CSMD1: variants seen among roughly 807,000 people sequenced by gnomAD.
CSMD1 encodes the protein CUB and sushi domain-containing protein 1.
CSMD1 carries 213 observed loss-of-function variants against 417.5 expected under a neutral mutation model. The ratio of observed to expected loss-of-function variants is 0.51; its 90% CI spans 0.46 to 0.57. The LOEUF (loss-of-function observed/expected upper bound fraction) is 0.57, where lower values mean the gene tolerates loss of function less well. Ranked by LOEUF, CSMD1 falls within the 20% of genes least tolerant of loss-of-function variation. The pLI is 0.00. For synonymous variants in CSMD1, 2,862 were observed against 1,736.8 expected, an observed-to-expected ratio of 1.65 and a Z score of -16.11; for missense variants, 6,923 against 4,529.7, an observed-to-expected ratio of 1.53 and a Z score of -15.17.
At chr8:4,435,099 T>G (rs1269580354) in intron 2 of CSMD1, among the ~76,000 whole-genome samples, 1 of 152,188 alleles carries the variant, frequency 6.6e-6, no homozygotes, top group Non-Finnish European at 1.5e-5. Context: ...CCATTAACAG[T>G]AGATGCTAAA....
At chr8:4,762,212 A>C (rs532937163) in intron 1 of CSMD1, among the ~76,000 whole-genome samples, 1 of 152,248 alleles carries the variant, frequency 6.6e-6, no homozygotes, top group Non-Finnish European at 1.5e-5. Context: ...TGCTAAAATC[A>C]TATCTGCATG....
At chr8:4,224,126 A>G (rs1801205555) in intron 3 of CSMD1, among the ~76,000 whole-genome samples, 1 of 152,182 alleles carries the variant, frequency 6.6e-6, no homozygotes, top group Non-Finnish European at 1.5e-5. Context: ...TGAACATACC[A>G]TGAGGACACT....
At chr8:4,589,290 A>G (rs1361999779) in intron 2 of CSMD1, among the ~76,000 whole-genome samples, 3 of 152,188 alleles carry the variant, frequency 2.0e-5, no homozygotes, top group Non-Finnish European at 4.4e-5. Flanking sequence ...TGCATATATT[A>G]TGCCAATAAG....
intron 33 of CSMD1, among the ~76,000 whole-genome samples, chr8:3,190,369 G>A (rs933443282): frequency 2.0e-5 from 3 of 151,980 alleles, no homozygotes; most frequent in Non-Finnish European, 2.9e-5. Flanking sequence ...ACTGTACTTC[G>A]CCCTCAGGAC....
intron 26 of CSMD1, among the ~76,000 whole-genome samples, chr8:3,246,824 A>T (rs890237878): frequency 1.3e-5 from 2 of 152,178 alleles, no homozygotes; most frequent in Non-Finnish European, 2.9e-5. Flanking sequence ...TTCCCCTGAC[A>T]CACTGAGAGC....
chr8:3,796,630 T>C (rs1456872026), intron 5 of CSMD1, among the ~76,000 whole-genome samples: 2 of 148,930 alleles, frequency 1.3e-5, no homozygotes, highest in African/African-American at 4.9e-5. Context: ...ATATATATCT[T>C]CTAATGTATA....
At chr8:4,548,403 G>C (rs1023902441) in intron 2 of CSMD1, among the ~76,000 whole-genome samples, 1 of 152,044 alleles carries the variant, frequency 6.6e-6, no homozygotes, top group Non-Finnish European at 1.5e-5. Context: ...TAGACGCATA[G>C]TCTATTTCTT....
At chr8:4,358,602 A>G (rs1190342905) in intron 3 of CSMD1, among the ~76,000 whole-genome samples, 3 of 152,208 alleles carry the variant, frequency 2.0e-5, no homozygotes, top group Non-Finnish European at 4.4e-5. Context: ...TGCTGAAAGT[A>G]ATAGTCTAAC....
At chr8:3,935,301 A>G (rs1285583659) in intron 5 of CSMD1, among the ~76,000 whole-genome samples, 1 of 152,228 alleles carries the variant, frequency 6.6e-6, no homozygotes, top group African/African-American at 2.4e-5. Context: ...TACACTCCAT[A>G]TCAGCATGAA....
intron 3 of CSMD1, among the ~76,000 whole-genome samples, chr8:4,169,496 C>T (rs752961236): frequency 4.6e-5 from 7 of 152,156 alleles, no homozygotes; most frequent in African/African-American, 7.2e-5. Flanking sequence ...ACCTCTACTG[C>T]GGCCTTGTCT....
chr8:4,526,372 TCTC>T (rs1319291557), intron 2 of CSMD1, among the ~76,000 whole-genome samples: 3 of 152,206 alleles, frequency 2.0e-5, no homozygotes, highest in Non-Finnish European at 4.4e-5. Flanking sequence ...AAGATCGTGG[TCTC>T]CTCCTTCAAC....
At chr8:4,400,617 C>T (rs1804580155) in intron 3 of CSMD1, among the ~76,000 whole-genome samples, 1 of 152,222 alleles carries the variant, frequency 6.6e-6, no homozygotes, top group Non-Finnish European at 1.5e-5. Flanking sequence ...TGGCTGGGAT[C>T]CAGACTGACC....
intron 5 of CSMD1, among the ~76,000 whole-genome samples, chr8:3,757,324 T>C (rs183530112): frequency 3.3e-5 from 5 of 152,194 alleles, no homozygotes; most frequent in African/African-American, 7.2e-5. Context: ...TTGTTGGAAA[T>C]TGTTCAACTT....
intron 1 of CSMD1, among the ~76,000 whole-genome samples, chr8:4,670,382 T>C (rs144131342): frequency 6.6e-6 from 1 of 152,236 alleles, no homozygotes; most frequent in East Asian, 1.9e-4. Flanking sequence ...ATACATGTTC[T>C]CCTAATAAGT....
chr8:3,191,018 T>C (rs529039286), intron 33 of CSMD1, among the ~76,000 whole-genome samples: 97 of 152,274 alleles, frequency 6.4e-4, no homozygotes, highest in Non-Finnish European at 7.4e-5. Flanking sequence ...TTCACTTACA[T>C]AAAATGAGTA....
intron 15 of CSMD1, among the ~76,000 whole-genome samples, chr8:3,403,801 C>G (rs1812182661): frequency 6.6e-6 from 1 of 152,210 alleles, no homozygotes; most frequent in Non-Finnish European, 1.5e-5. Flanking sequence ...TCTTTGAGCA[C>G]CACATGTGTA....
chr8:4,892,296 G>C (rs1418249115), intron 1 of CSMD1, among the ~76,000 whole-genome samples: 1 of 152,054 alleles, frequency 6.6e-6, no homozygotes, highest in African/African-American at 2.4e-5. Flanking sequence ...TTAAAAGGAA[G>C]TCAATCACAT....
chr8:4,451,413 G>A (rs1799138491), intron 2 of CSMD1, among the ~76,000 whole-genome samples: 3 of 152,108 alleles, frequency 2.0e-5, no homozygotes, highest in South Asian at 4.1e-4. Flanking sequence ...TATGATCAGT[G>A]TTTTCCACAC....
intron 12 of CSMD1, among the ~76,000 whole-genome samples, chr8:3,410,979 T>G (rs1812664231): frequency 6.6e-6 from 1 of 152,086 alleles, no homozygotes; most frequent in Non-Finnish European, 1.5e-5. Context: ...CAATCAGCCC[T>G]TCGAAAAGGA....
Sources: allele counts gnomAD v4.1 joint callset (sites outside exome capture counted in the v4.1 genomes callset), GRCh38; gene constraint gnomAD v4.1.1; transcripts MANE v1.5; gene names NCBI Gene and HGNC (gene_info 2026-07-23, HGNC 2026-07-21).